Variants in OR2G6 observed in about 807,000 individuals in gnomAD.
OR2G6 encodes olfactory receptor family 2 subfamily G member 6.
For missense variants in OR2G6, 457 were observed against 391.3 expected, an observed-to-expected ratio of 1.17 and a Z score of -1.42; for synonymous variants, 183 against 155.2, an observed-to-expected ratio of 1.18 and a Z score of -1.33.
Position 248,522,043 on chromosome 1 carries a change from A to G in OR2G6, c.397A>G (p.Ile133Val), listed in dbSNP as rs1441129632. The G allele has an allele frequency of 6.2e-7, 1 of 1,613,978 alleles. No homozygotes were observed. The highest frequency in any genetic ancestry group is 1.3e-5 in the African/African-American group (1 of 74,884). Residue 133 changes from isoleucine (I) to valine (V), a missense_variant, in exon 2 of 2, where the codon ATA becomes GTA. Coordinates refer to ENST00000641804, the MANE Select transcript of OR2G6 (RefSeq NM_001013355.2). The part of the protein sequence containing the change: ...YAAVCRPLRY[I>V]AIMHPRFCAS... ...TGCTGTCTGCCGGCCACTGCGCTAC[A>G]TAGCCATTATGCACCCCAGGTTCTG...
Position 248,525,408 on chromosome 1 carries a change from A to G in OR2G6, c.*2811A>G, listed in dbSNP as rs1664375787. 2 of 152,174 alleles carry G rather than the reference A, an allele frequency of 1.3e-5. No homozygotes were observed. Among genetic ancestry groups the G allele is most frequent in the Non-Finnish European group, 2.9e-5 (2 of 68,034 alleles). The allele number at this position is 152,174 out of a possible 1,614,324, so 9.4% of individuals were successfully genotyped here. ...ACAATGAGAATGCTGTAATAAGTATATGGTTCCACCACTCCAAACACCATG... is the reference window on the plus strand; with the variant it reads ...ACAATGAGAATGCTGTAATAAGTATGTGGTTCCACCACTCCAAACACCATG... On this transcript the variant is annotated 3_prime_UTR_variant, in exon 2 of 2. Transcript: ENST00000641804.
rs1664369649 is a variant in OR2G6 at position 248,525,157 on chromosome 1, T to TG, written c.*2560_*2561insG. ...AATTGAATAACATGAGTAGTTTCTC[T>TG]TTTTTAAATACCTACATTGAGCATA... On this transcript the variant is annotated 3_prime_UTR_variant, in exon 2 of 2. Coordinates refer to ENST00000641804, the MANE Select transcript of OR2G6 (RefSeq NM_001013355.2). The TG allele has an allele frequency of 6.7e-6, 1 of 148,874 alleles. No individual in the cohort carries two copies. Among genetic ancestry groups the TG allele is most frequent in the East Asian group, 1.9e-4 (1 of 5,202 alleles). The allele number at this position is 148,874 out of a possible 1,614,324, so 9.2% of individuals were successfully genotyped here.
chr1:248,523,487 C>T lies in OR2G6; in HGVS notation c.*890C>T, dbSNP rs2103062969. The T allele has an allele frequency of 6.6e-6, 1 of 151,828 alleles. No homozygotes were observed. The highest frequency in any genetic ancestry group is 1.9e-4 in the East Asian group (1 of 5,206). 9.4% of individuals were successfully genotyped at this position (151,828 alleles called of 1,614,324 possible). A position where few individuals can be genotyped will look rare whatever the true frequency, so the allele number is the denominator to read the frequency against. The stretch of plus-strand genomic sequence containing the variant: ...AAGTTATTGTTTTTGGCCTTAAACT[C>T]TGGAAAACAGTTACTTATGTAATTT... On this transcript the variant is annotated 3_prime_UTR_variant, in exon 2 of 2. Transcript: ENST00000641804.
chr1:248,523,928 T>C lies in OR2G6; in HGVS notation c.*1331T>C, dbSNP rs1664345405. On this transcript the variant is annotated 3_prime_UTR_variant, in exon 2 of 2. Transcript: ENST00000641804. ...AGAATCTGGGGTGGAAGTGGAATTT[T>C]CAAGTGATTTAGACTTTTCTTTTTT... 1 of 152,248 alleles carries C rather than the reference T, an allele frequency of 6.6e-6. No homozygotes were observed. The highest frequency in any genetic ancestry group is 1.5e-5 in the Non-Finnish European group (1 of 68,064). The allele number at this position is 152,248 out of a possible 1,614,324, so 9.4% of individuals were successfully genotyped here.
Position 248,522,216 on chromosome 1 carries a change from G to T in OR2G6, c.570G>T (p.Val190=). ...CAGTGCTCATCAAACTGGCCTGTGTGGATACGACTTTCAACGAGGCAGAAC... is the reference window on the plus strand; with the variant it reads ...CAGTGCTCATCAAACTGGCCTGTGTTGATACGACTTTCAACGAGGCAGAAC... ...EVPVLIKLAC[V]DTTFNEAELF... Residue 190 remains valine, a synonymous_variant, in exon 2 of 2, where the codon GTG becomes GTT. Transcript: ENST00000641804. The T allele has an allele frequency of 6.2e-7, 1 of 1,614,128 alleles. No homozygotes were observed. Among genetic ancestry groups the T allele is most frequent in the Non-Finnish European group, 8.5e-7 (1 of 1,180,022 alleles).
intron 1 of OR2G6, 42 bp from the exon 2 acceptor site, chr1:248,521,569 C>A (rs1664285172): frequency 3.0e-6 from 3 of 1,012,274 alleles, no homozygotes; most frequent in African/African-American, 1.6e-5. Context: ...GATTACCATT[C>A]TTGACCTCAT....
rs1304393844 is a variant in OR2G6, at chr1:248,522,031, C to A, written c.385C>A (p.Pro129Thr). Reference sequence around the variant, plus strand: ...TGACCGCTATGCTGCTGTCTGCCGGCCACTGCGCTACATAGCCATTATGCA... The same window carrying A: ...TGACCGCTATGCTGCTGTCTGCCGGACACTGCGCTACATAGCCATTATGCA... ...AYDRYAAVCRPLRYIAIMHPR... is the reference protein window; with the variant it reads ...AYDRYAAVCRTLRYIAIMHPR... Residue 129 changes from proline (P) to threonine (T), a missense_variant, in exon 2 of 2, where the codon CCA becomes ACA. Transcript: ENST00000641804. The A allele has an allele frequency of 4.3e-6, 7 of 1,614,170 alleles. No individual in the cohort carries two copies. Among genetic ancestry groups the A allele is most frequent in the Non-Finnish European group, 5.1e-6 (6 of 1,180,022 alleles).
rs1664307845 is a variant in OR2G6, at chr1:248,522,301, G to GA, written c.655_656insA (p.Gly219GlufsTer47). The GA allele has an allele frequency of 1.2e-6, 2 of 1,614,024 alleles. No homozygotes were observed. Among genetic ancestry groups the GA allele is most frequent in the African/African-American group, 1.3e-5 (1 of 74,894 alleles). On this transcript the variant is annotated frameshift_variant, in exon 2 of 2. Coordinates refer to ENST00000641804, the MANE Select transcript of OR2G6 (RefSeq NM_001013355.2). LOFTEE classifies it low-confidence loss of function (END_TRUNC). ...GGTGTTACTCATCTTAGTCTCCTAT[G>GA]GCTTTATCACTCAAGCTGTGTTAAG...
chr1:248,520,169 C>CTGGT (rs1558371017), intron 1 of OR2G6, among the ~76,000 whole-genome samples: 1 of 152,078 alleles, frequency 6.6e-6, no homozygotes. Flanking sequence ...CAAACTAACA[C>CTGGT]AAGAACAGAA....
rs1664319818 is a variant in OR2G6 at position 248,522,804 on chromosome 1, A to G, written c.*207A>G. 1.9e-6 allele frequency: 1 copy of G among 531,324 alleles called. No individual in the cohort carries two copies. The highest frequency in any genetic ancestry group is 1.9e-5 in the African/African-American group (1 of 51,638). The allele number at this position is 531,324 out of a possible 1,614,324, so 32.9% of individuals were successfully genotyped here. A position where few individuals can be genotyped will look rare whatever the true frequency, so the allele number is the denominator to read the frequency against. On this transcript the variant is annotated 3_prime_UTR_variant, in exon 2 of 2. Transcript: ENST00000641804. ...CCCAAAGCCACAGGGACTAGGAAGC[A>G]TTGGAATTCTAAAGAAGAGAAACAC...
Position 248,525,656 on chromosome 1 carries a change from T to C in OR2G6, c.*3059T>C, listed in dbSNP as rs994363562. The C allele has an allele frequency of 2.0e-5, 3 of 152,236 alleles. No individual in the cohort carries two copies. Among genetic ancestry groups the C allele is most frequent in the African/African-American group, 7.2e-5 (3 of 41,544 alleles). The allele number at this position is 152,236 out of a possible 1,614,324, so 9.4% of individuals were successfully genotyped here. The stretch of plus-strand genomic sequence containing the variant: ...AAGACCAATGATACTGTGAAGAAAC[T>C]GCATTACCTAATGTGCAAAATAACC... On this transcript the variant is annotated 3_prime_UTR_variant, in exon 2 of 2. Transcript: ENST00000641804.
In OR2G6 at chr1:248,521,774, C is replaced by T. The variant is rs926259157; in HGVS notation, c.128C>T (p.Thr43Ile). Residue 43 changes from threonine to isoleucine, a missense_variant, in exon 2 of 2, where the codon ACT (threonine) becomes ATT (isoleucine). Coordinates refer to ENST00000641804, the MANE Select transcript of OR2G6 (RefSeq NM_001013355.2). ...TACGTCTTGAGCCTTCTGGGGAACA[C>T]TGCCCTCATACTAGTATGTTGTCTG... Reference protein sequence around the residue: ...YFYVLSLLGNTALILVCCLDS... With the variant: ...YFYVLSLLGNIALILVCCLDS... The T allele has an allele frequency of 6.2e-7, 1 of 1,614,094 alleles. No individual in the cohort carries two copies. The highest frequency in any genetic ancestry group is 1.1e-5 in the South Asian group (1 of 91,076).
chr1:248,521,582 C>G, intron 1 of OR2G6, 29 bp from the exon 2 acceptor site: 1 of 1,184,018 alleles, frequency 8.4e-7, no homozygotes, highest in Non-Finnish European at 1.2e-6. Flanking sequence ...GACCTCATTA[C>G]TTTCTATCCC....
chr1:248,520,382 G>A (rs983649908), intron 1 of OR2G6, among the ~76,000 whole-genome samples: 6 of 152,024 alleles, frequency 3.9e-5, no homozygotes, highest in Non-Finnish European at 4.4e-5. Flanking sequence ...CTTATGTAAC[G>A]TGCACGTTCT....
intron 1 of OR2G6, among the ~76,000 whole-genome samples, chr1:248,510,478 CTG>C (rs1664219915): frequency 1.4e-5 from 1 of 70,918 alleles, no homozygotes; most frequent in Non-Finnish European, 2.6e-5. Flanking sequence ...GGGGCTACCA[CTG>C]TGTTAGGCTT....
At position 248,522,670 on chromosome 1, in the gene OR2G6, C is replaced by T; in HGVS notation, c.*73C>T. The T allele has an allele frequency of 1.0e-6, 1 of 973,574 alleles. No homozygotes were observed. The highest frequency in any genetic ancestry group is 1.5e-6 in the Non-Finnish European group (1 of 662,960). The allele number at this position is 973,574 out of a possible 1,614,324, so 60.3% of individuals were successfully genotyped here. A position where few individuals can be genotyped will look rare whatever the true frequency, so the allele number is the denominator to read the frequency against. The stretch of plus-strand genomic sequence containing the variant: ...GGGTTCATCCTCCCCAGACATTCCT[C>T]TTGTCAATCCCAAAGCCACAGGGAC... On this transcript the variant is annotated 3_prime_UTR_variant, in exon 2 of 2. Transcript: ENST00000641804.
At position 248,522,859 on chromosome 1, in the gene OR2G6, A is replaced by G. The variant is rs1413659925; in HGVS notation, c.*262A>G. ...AAGCAGCATGAGGGTTCATCCTCCCAGACATTCCTCTTGTCAATCCAAGAC... is the reference window on the plus strand; with the variant it reads ...AAGCAGCATGAGGGTTCATCCTCCCGGACATTCCTCTTGTCAATCCAAGAC... On this transcript the variant is annotated 3_prime_UTR_variant, in exon 2 of 2. Coordinates refer to ENST00000641804, the MANE Select transcript of OR2G6 (RefSeq NM_001013355.2). The G allele has an allele frequency of 4.7e-6, 2 of 425,980 alleles. No individual in the cohort carries two copies. The highest frequency in any genetic ancestry group is 4.0e-5 in the African/African-American group (2 of 50,200). 26.4% of individuals were successfully genotyped at this position (425,980 alleles called of 1,614,324 possible). A position where few individuals can be genotyped will look rare whatever the true frequency, so the allele number is the denominator to read the frequency against.
At position 248,521,746 on chromosome 1, in the gene OR2G6, T is replaced by G. The variant is rs1664289396; in HGVS notation, c.100T>G (p.Phe34Val). 3 of 1,614,150 alleles carry G rather than the reference T, an allele frequency of 1.9e-6. No homozygotes were observed. The highest frequency in any genetic ancestry group is 2.5e-6 in the Non-Finnish European group (3 of 1,179,996). ...ERFLFAIILY[F>V]YVLSLLGNTA... ...GTTTCTTTTTGCCATCATTTTGTAC[T>G]TCTACGTCTTGAGCCTTCTGGGGAA... is the stretch of plus-strand genomic sequence containing the variant. Residue 34 changes from phenylalanine (F) to valine (V), a missense_variant, in exon 2 of 2, where the codon TTC becomes GTC. Transcript: ENST00000641804.
In OR2G6 at chr1:248,521,040, TAAA is replaced by T. The variant is rs56891856; in HGVS notation, c.-36-548_-36-546del. Among the ~76,000 whole-genome samples the T allele has an allele frequency of 1.9e-3, 160 of 83,930 alleles. 1 individual carries two copies. Among genetic ancestry groups the T allele is most frequent in the African/African-American group, 6.7e-3 (150 of 22,532 alleles). The allele number at this position is 83,930 out of a possible 152,430, so 55.1% of individuals were successfully genotyped here. A position where few individuals can be genotyped will look rare whatever the true frequency, so the allele number is the denominator to read the frequency against. On this transcript the variant is annotated intron_variant, in intron 1 of 1. Coordinates refer to ENST00000641804, the MANE Select transcript of OR2G6 (RefSeq NM_001013355.2). The stretch of plus-strand genomic sequence containing the variant: ...CTGGGAGACAGAGTGAGATTCCATC[TAAA>T]AAAAAAAAAAAAAAAAAAAAAATAC...
Sources: gnomAD v4.1 joint callset for allele counts (sites outside exome capture counted in the v4.1 genomes callset) on GRCh38, gnomAD v4.1.1 for gene constraint, MANE v1.5 for transcripts, NCBI Gene and HGNC (gene_info 2026-07-23, HGNC 2026-07-21) for gene names.